The following IGF2BP2 variants were observed in gnomAD, a reference collection of about 807,000 sequenced individuals.
IGF2BP2 encodes insulin-like growth factor 2 mRNA-binding protein 2.
IGF2BP2 carries 17 observed loss-of-function variants against 75.8 expected under a neutral mutation model. The observed-to-expected ratio is 0.22, with a 90% CI of 0.15 to 0.34. The LOEUF is 0.34. Among genes scored for constraint, IGF2BP2 ranks in the 10% least tolerant of loss-of-function variants. The probability of loss-of-function intolerance (pLI) is 1.00; values close to 1 mark genes in which losing one functional copy is unlikely to be tolerated. For missense variants in IGF2BP2, 516 were observed against 772.4 expected (o/e 0.67, Z 3.93); for synonymous variants, 288 against 295.6 (o/e 0.97, Z 0.26).
intron 2 of IGF2BP2, among the ~76,000 whole-genome samples, chr3:185,731,890 G>A (rs1478708642): frequency 6.6e-6 from 1 of 152,040 alleles, no homozygotes; most frequent in African/African-American, 2.4e-5. Flanking sequence ...GCTGAGGCAG[G>A]AGAATGGCGT....
At chr3:185,762,197 G>A (rs1224684078) in intron 2 of IGF2BP2, among the ~76,000 whole-genome samples, 8 of 151,858 alleles carry the variant, frequency 5.3e-5, no homozygotes, top group African/African-American at 1.7e-4. Context: ...AGAGCAGCCT[G>A]GCCAACATGG....
In IGF2BP2 at chr3:185,731,576, G is replaced by C. The variant is rs1285116463; in HGVS notation, c.240-33229C>G. On this transcript the variant is annotated intron_variant, in intron 2 of 15. Transcript: ENST00000382199. The stretch of plus-strand genomic sequence containing the variant: ...TCTGCATCACTTTCTAGGTGACGGA[G>C]GGGAGCCATGCCTAGTCACTATGAA... Among the ~76,000 whole-genome samples the C allele has an allele frequency of 2.6e-5, 4 of 152,248 alleles. No homozygotes were observed. The East Asian group carries it at 7.7e-4, about 29-fold the overall frequency.
intron 6 of IGF2BP2, 96 bp downstream of exon 6, chr3:185,689,259 G>T: frequency 7.7e-7 from 1 of 1,300,622 alleles, no homozygotes; most frequent in African/African-American, 1.5e-5. Context: ...GCCCCCCACT[G>T]CTGATGTAAG....
chr3:185,727,516 A>G (rs556712610), intron 2 of IGF2BP2, among the ~76,000 whole-genome samples: 2 of 152,098 alleles, frequency 1.3e-5, no homozygotes, highest in Non-Finnish European at 2.9e-5. Flanking sequence ...GGATGAGAAC[A>G]CCTCAGGGGG....
intron 2 of IGF2BP2, among the ~76,000 whole-genome samples, chr3:185,769,575 G>A (rs113038229): frequency 1.4e-3 from 216 of 152,054 alleles, no homozygotes; most frequent in African/African-American, 5.0e-3. Context: ...GGTGGCTCAC[G>A]CTTGTAATCC....
chr3:185,772,628 C>T (rs1354604871), intron 2 of IGF2BP2, among the ~76,000 whole-genome samples: 2 of 140,952 alleles, frequency 1.4e-5, no homozygotes, highest in Admixed American at 1.5e-4. Context: ...GTCGCCCAGG[C>T]TGGAGTGCAG....
intron 3 of IGF2BP2, among the ~76,000 whole-genome samples, chr3:185,697,687 A>G (rs1406240428): frequency 2.6e-5 from 4 of 152,212 alleles, no homozygotes; most frequent in African/African-American, 9.6e-5. Flanking sequence ...TTGCCTTTTC[A>G]TTCACTTTTT....
intron 2 of IGF2BP2, among the ~76,000 whole-genome samples, chr3:185,708,976 G>A (rs546774966): frequency 3.9e-5 from 6 of 152,214 alleles, no homozygotes; most frequent in East Asian, 1.9e-4. Context: ...TGAAGATTCC[G>A]GTTAACAAAA....
In IGF2BP2 at chr3:185,645,684, G is replaced by T; in HGVS notation, c.1708-61C>A. The T allele has an allele frequency of 7.8e-7, 1 of 1,286,958 alleles. No individual in the cohort carries two copies. Among genetic ancestry groups the T allele is most frequent in the South Asian group, 1.2e-5 (1 of 84,188 alleles). The allele number at this position is 1,286,958 out of a possible 1,614,324, so 79.7% of individuals were successfully genotyped here. A position where few individuals can be genotyped will look rare whatever the true frequency, so the allele number is the denominator to read the frequency against. ...GGGAAAAAAGGAACCCAGTTCTGAGGACAAACGGCAGGGGAGGCTCTGGGG... is the reference window on the plus strand; with the variant it reads ...GGGAAAAAAGGAACCCAGTTCTGAGTACAAACGGCAGGGGAGGCTCTGGGG... On this transcript the variant is annotated intron_variant, in intron 15 of 15. Coordinates refer to ENST00000382199, the MANE Select transcript of IGF2BP2 (RefSeq NM_006548.6). The surrounding 1 kb of genome is among the most constrained non-coding windows in gnomAD (Gnocchi z 4.9).
intron 13 of IGF2BP2, 125 bp downstream of exon 13, chr3:185,651,969 G>T: frequency 3.1e-6 from 2 of 643,964 alleles, no homozygotes; most frequent in Admixed American, 3.0e-5. Context: ...GTGAGCCTGA[G>T]CTTGGTGGGC....
chr3:185,667,834 C>T (rs1717881930), intron 10 of IGF2BP2, among the ~76,000 whole-genome samples: 1 of 152,166 alleles, frequency 6.6e-6, no homozygotes, highest in South Asian at 2.1e-4. Context: ...TGTGGCAACC[C>T]TATGTCACAC....
intron 2 of IGF2BP2, among the ~76,000 whole-genome samples, chr3:185,735,693 C>T (rs1728767923): frequency 1.3e-5 from 2 of 152,238 alleles, no homozygotes; most frequent in Admixed American, 6.5e-5. Context: ...ACCTGAAGAC[C>T]CAGGCTGTAC....
In IGF2BP2 at chr3:185,665,455, GAGAAGA is replaced by G. The variant is rs773228830; in HGVS notation, c.1201-7052_1201-7047del. On this transcript the variant is annotated intron_variant, in intron 10 of 15. Coordinates refer to ENST00000382199, the MANE Select transcript of IGF2BP2 (RefSeq NM_006548.6). The stretch of plus-strand genomic sequence containing the variant: ...GGAGGAGGAGAAGGAGGAGGAGGAG[GAGAAGA>G]AGAAGAAGAAGAAGGAGAAGAAGGA... Among the ~76,000 whole-genome samples, 153 of 101,064 alleles carry G rather than the reference GAGAAGA, an allele frequency of 1.5e-3. 6 individuals are homozygous for G. The highest frequency in any genetic ancestry group is 5.5e-3 in the African/African-American group (136 of 24,942). The allele number at this position is 101,064 out of a possible 152,430, so 66.3% of individuals were successfully genotyped here. A position where few individuals can be genotyped will look rare whatever the true frequency, so the allele number is the denominator to read the frequency against.
chr3:185,714,040 C>A (rs1302596586), intron 2 of IGF2BP2, among the ~76,000 whole-genome samples: 1 of 152,174 alleles, frequency 6.6e-6, no homozygotes, highest in Non-Finnish European at 1.5e-5. Flanking sequence ...CAAAATGTAC[C>A]AAAGAATAGA....
At chr3:185,694,767 T>C (rs535328788) in intron 4 of IGF2BP2, among the ~76,000 whole-genome samples, 30 of 152,354 alleles carry the variant, frequency 2.0e-4, no homozygotes, top group African/African-American at 7.0e-4. Flanking sequence ...CAAGACCATC[T>C]TGCCTACAAC....
At chr3:185,703,290 G>A (rs1381210029) in intron 2 of IGF2BP2, among the ~76,000 whole-genome samples, 1 of 152,100 alleles carries the variant, frequency 6.6e-6, no homozygotes, top group Non-Finnish European at 1.5e-5. Flanking sequence ...TTTATAATAC[G>A]TTATCTTTGG....
chr3:185,740,827 A>C (rs1729448325), intron 2 of IGF2BP2, among the ~76,000 whole-genome samples: 1 of 152,212 alleles, frequency 6.6e-6, no homozygotes, highest in African/African-American at 2.4e-5. Flanking sequence ...AGGGACTGTC[A>C]AGAGTAGCTG....
At chr3:185,806,301 T>TA (rs1446179940) in intron 2 of IGF2BP2, among the ~76,000 whole-genome samples, 5 of 152,306 alleles carry the variant, frequency 3.3e-5, no homozygotes, top group African/African-American at 1.2e-4. Flanking sequence ...AAAGATAACT[T>TA]AGCATCTATT....
At chr3:185,726,832 T>G (rs1179021358) in intron 2 of IGF2BP2, among the ~76,000 whole-genome samples, 1 of 152,016 alleles carries the variant, frequency 6.6e-6, no homozygotes, top group East Asian at 1.9e-4. Context: ...GCTGTGAAAA[T>G]AGATACATTA....
Sources: allele counts gnomAD v4.1 joint callset (sites outside exome capture counted in the v4.1 genomes callset), GRCh38; gene constraint gnomAD v4.1.1; non-coding constraint Gnocchi (gnomAD v3.1); transcripts MANE v1.5; gene names NCBI Gene and HGNC (gene_info 2026-07-23, HGNC 2026-07-21).